BAZ2B: variants seen among roughly 807,000 people sequenced by gnomAD.
The protein encoded by BAZ2B is bromodomain adjacent to zinc finger domain protein 2B.
In BAZ2B, 91 loss-of-function variants were observed where a neutral mutation model predicts 246.0. The ratio of observed to expected loss-of-function variants is 0.37; its 90% CI spans 0.31 to 0.44. BAZ2B has a LOEUF of 0.44. Among genes scored for constraint, BAZ2B ranks in the 20% least tolerant of loss-of-function variants. The pLI, the probability that BAZ2B is intolerant of heterozygous loss-of-function variation, is 1.00. For missense variants in BAZ2B, 2,332 were observed against 2,533.7 expected (o/e 0.92, Z 1.71); for synonymous variants, 855 against 860.0 (o/e 0.99, Z 0.10).
chr2:159,600,116 T>C (rs1267056902), intron 1 of BAZ2B, among the ~76,000 whole-genome samples: 2 of 152,098 alleles, frequency 1.3e-5, no homozygotes. Context: ...AGTTCAAAAG[T>C]TAATTTTGTA....
the BAZ2B span, among the ~76,000 whole-genome samples, chr2:159,704,318 G>C: frequency 6.6e-6 from 1 of 152,104 alleles, no homozygotes; most frequent in Non-Finnish European, 1.5e-5. Context: ...AAGTGAAACA[G>C]GAATAGTGGA....
At chr2:159,652,635 T>C in the BAZ2B span, among the ~76,000 whole-genome samples, 2 of 152,114 alleles carry the variant, frequency 1.3e-5, no homozygotes. Flanking sequence ...TTTGAGACAG[T>C]ATCTTGCTCT....
At chr2:159,527,508 A>G (rs1044361145) in intron 2 of BAZ2B, among the ~76,000 whole-genome samples, 9 of 152,160 alleles carry the variant, frequency 5.9e-5, no homozygotes, top group African/African-American at 2.2e-4. Flanking sequence ...TTTGCATCAC[A>G]TGGAGAAACT....
At chr2:159,613,344 A>G (rs1695105410) in intron 1 of BAZ2B, among the ~76,000 whole-genome samples, 2 of 151,852 alleles carry the variant, frequency 1.3e-5, no homozygotes, top group Non-Finnish European at 2.9e-5. Context: ...TGAAGCTACT[A>G]TTATCTGGAT....
At chr2:159,404,429 C>A (rs2065583758) in intron 16 of BAZ2B, 1 of 148,116 alleles carries the variant, frequency 6.8e-6, no homozygotes. Context: ...CATTAAGAAG[C>A]AATGAAGGCA....
At chr2:159,630,586 T>G in the BAZ2B span, among the ~76,000 whole-genome samples, 1 of 150,938 alleles carries the variant, frequency 6.6e-6, no homozygotes, top group Non-Finnish European at 1.5e-5. Context: ...CAGGCTGGAG[T>G]GCAGTGGCGC....
intron 3 of BAZ2B, among the ~76,000 whole-genome samples, chr2:159,469,441 T>C (rs1360110102): frequency 6.6e-6 from 1 of 152,060 alleles, no homozygotes; most frequent in Non-Finnish European, 1.5e-5. Context: ...ATTTTATTTA[T>C]TTATTTATTT....
intron 2 of BAZ2B, among the ~76,000 whole-genome samples, chr2:159,541,366 T>C (rs566812564): frequency 8.6e-5 from 13 of 151,988 alleles, no homozygotes; most frequent in Middle Eastern, 6.8e-3. Flanking sequence ...GCAACCTCTG[T>C]CTCTTGTGTC....
intron 1 of BAZ2B, among the ~76,000 whole-genome samples, chr2:159,597,372 A>G (rs1690974578): frequency 6.6e-6 from 1 of 152,216 alleles, no homozygotes; most frequent in South Asian, 2.1e-4. Context: ...GTGAAAGGCT[A>G]TTCTATACCT....
chr2:159,376,072 A>AGCATGAACAGAAGGT (rs1214809948), intron 25 of BAZ2B, among the ~76,000 whole-genome samples: 1 of 152,224 alleles, frequency 6.6e-6, no homozygotes, highest in Admixed American at 6.5e-5. Context: ...TTAGAGGGAA[A>AGCATGAACAGAAGGT]GCATGAACAG....
rs776616041 is a variant in BAZ2B at position 159,453,641 on chromosome 2, G to A, written c.306C>T (p.Ala102=). 25 of 1,611,394 alleles carry A rather than the reference G, an allele frequency of 1.6e-5. No individual in the cohort carries two copies. In the South Asian group the frequency reaches 2.1e-4, roughly 14 times the overall value. Residue 102 remains alanine, a synonymous_variant, in exon 4 of 37, where the codon GCC becomes GCT. Coordinates refer to ENST00000392783, the MANE Select transcript of BAZ2B (RefSeq NM_013450.4). ...GAAAAGATGCTAGTTGGGGATGTGC[G>A]GCTAAGGCTGTGGGTGTACCAAGTG... is the stretch of plus-strand genomic sequence containing the variant. The part of the protein sequence containing the change: ...LGTLGTPTAL[A]AHPQLASFPG...
chr2:159,325,126 T>TATATATATATATA (rs2063486163), intron 35 of BAZ2B, among the ~76,000 whole-genome samples, 172 bp from the exon 36 acceptor site: 4 of 28,030 alleles, frequency 1.4e-4, no homozygotes, highest in African/African-American at 6.8e-4. Flanking sequence ...TTTATATATA[T>TATATATATATATA]ATATATATAT....
intron 2 of BAZ2B, among the ~76,000 whole-genome samples, chr2:159,551,558 A>G (rs752448031): frequency 2.0e-5 from 3 of 152,080 alleles, no homozygotes; most frequent in Non-Finnish European, 4.4e-5. Flanking sequence ...GATAAAATAT[A>G]GCCACTATAA....
chr2:159,357,854 C>T (rs1432169263), intron 27 of BAZ2B, among the ~76,000 whole-genome samples: 5 of 152,176 alleles, frequency 3.3e-5, no homozygotes, highest in Non-Finnish European at 4.4e-5. Flanking sequence ...AATTTTGTCT[C>T]CAGCCAAACT....
At chr2:159,467,905 T>C (rs916093487) in intron 3 of BAZ2B, among the ~76,000 whole-genome samples, 2 of 152,132 alleles carry the variant, frequency 1.3e-5, no homozygotes, top group African/African-American at 4.8e-5. Flanking sequence ...CTACAGATGA[T>C]GGTCAAATAA....
chr2:159,674,226 T>C, the BAZ2B span, among the ~76,000 whole-genome samples: 1 of 151,298 alleles, frequency 6.6e-6, no homozygotes, highest in African/African-American at 2.4e-5. Context: ...TCCCAGTTAC[T>C]TGGGAGTCTG....
intron 1 of BAZ2B, among the ~76,000 whole-genome samples, chr2:159,578,781 C>T (rs983320628): frequency 6.6e-5 from 10 of 152,202 alleles, no homozygotes; most frequent in Non-Finnish European, 1.5e-4. Context: ...CACTCAAAAC[C>T]GCTTAACTAC....
intron 1 of BAZ2B, among the ~76,000 whole-genome samples, chr2:159,562,659 TTA>T (rs2089989143): frequency 6.6e-6 from 1 of 152,328 alleles, no homozygotes; most frequent in East Asian, 1.9e-4. Flanking sequence ...GTTGTTTTAG[TTA>T]TATATACTTT....
intron 2 of BAZ2B, among the ~76,000 whole-genome samples, chr2:159,553,827 G>C (rs534624026): frequency 6.6e-6 from 1 of 152,088 alleles, no homozygotes; most frequent in African/African-American, 2.4e-5. Flanking sequence ...TTTACTTTTA[G>C]TTCTTACTAT....
Sources: gnomAD v4.1 joint callset for allele counts (sites outside exome capture counted in the v4.1 genomes callset) on GRCh38, gnomAD v4.1.1 for gene constraint, MANE v1.5 for transcripts, NCBI Gene and HGNC (gene_info 2026-07-23, HGNC 2026-07-21) for gene names.